The following AHCYL2 variants were observed in gnomAD, a reference collection of about 807,000 sequenced individuals.
AHCYL2 encodes the protein adenosylhomocysteinase like 2.
A neutral mutation model predicts 81.4 loss-of-function variants in AHCYL2; 28 were observed. The ratio of observed to expected loss-of-function variants is 0.34; its 90% confidence interval spans 0.25 to 0.47. AHCYL2 has a LOEUF of 0.47. Among genes scored for constraint, AHCYL2 ranks in the 20% least tolerant of loss-of-function variants. The pLI, the probability that AHCYL2 is intolerant of heterozygous loss-of-function variation, is 1.00. For missense variants in AHCYL2, 551 were observed against 785.1 expected (o/e 0.70, Z 3.56); for synonymous variants, 272 against 290.2 (o/e 0.94, Z 0.64).
intron 1 of AHCYL2, among the ~76,000 whole-genome samples, chr7:129,359,780 G>T (rs1011827830): frequency 1.3e-5 from 2 of 152,138 alleles, no homozygotes; most frequent in Non-Finnish European, 2.9e-5. Flanking sequence ...TAATTAGCCG[G>T]GTCAGGGAAA....
rs1797398747 is a variant in AHCYL2, at chr7:129,427,097, C to G, written c.*52C>G. 6.5e-7 allele frequency: 1 copy of G among 1,549,534 alleles called. No individual in the cohort carries two copies. ...TAAGGAATAGAACTCCAAGCCTTTT[C>G]TCCACTACTATACAAGAAAGAATTC... On this transcript the variant is annotated 3_prime_UTR_variant, in exon 17 of 17. Coordinates refer to ENST00000325006, the MANE Select transcript of AHCYL2 (RefSeq NM_015328.4). This position sits in a 1 kb window ranked among gnomAD's most constrained non-coding sequence, Gnocchi z 5.5.
chr7:129,304,093 A>G (rs768751117), intron 1 of AHCYL2, among the ~76,000 whole-genome samples: 1 of 149,486 alleles, frequency 6.7e-6, no homozygotes, highest in Non-Finnish European at 1.5e-5. Flanking sequence ...ATAAACAAAC[A>G]AACTTCCCTC....
intron 1 of AHCYL2, among the ~76,000 whole-genome samples, chr7:129,335,331 C>T (rs1307146121): frequency 1.3e-5 from 2 of 150,082 alleles, no homozygotes; most frequent in African/African-American, 4.9e-5. Context: ...TATATGATCA[C>T]ATACCTGCAC....
At position 129,325,426 on chromosome 7, in the gene AHCYL2, G is replaced by GT. The variant is rs369540031; in HGVS notation, c.364-54206dup. Among the ~76,000 whole-genome samples, 993 of 152,150 alleles carry GT rather than the reference G, an allele frequency of 6.5e-3. 6 individuals carry two copies. Among genetic ancestry groups the GT allele is most frequent in the Non-Finnish European group, 9.6e-3 (651 of 68,002 alleles). ...TTTTTTCATTTGCACATAATGTGGG[G>GT]TTTTTTCCCCTCTCGATGCTTTTAA... is the stretch of plus-strand genomic sequence containing the variant. On this transcript the variant is annotated intron_variant, in intron 1 of 16. Transcript: ENST00000325006.
intron 2 of AHCYL2, among the ~76,000 whole-genome samples, chr7:129,387,833 C>T (rs1157782603): frequency 6.6e-6 from 1 of 152,144 alleles, no homozygotes; most frequent in African/African-American, 2.4e-5. Context: ...CCCTCACCTC[C>T]CCTGGTGCCC....
chr7:129,330,756 C>T (rs1051101468), intron 1 of AHCYL2, among the ~76,000 whole-genome samples: 18 of 152,172 alleles, frequency 1.2e-4, no homozygotes, highest in African/African-American at 1.7e-4. Flanking sequence ...CCACCACGCC[C>T]GGCCTCTGGT....
intron 1 of AHCYL2, among the ~76,000 whole-genome samples, chr7:129,280,946 C>G (rs925290239): frequency 9.6e-4 from 17 of 17,688 alleles, no homozygotes; most frequent in Non-Finnish European, 7.8e-3. Context: ...CTCACTGCAA[C>G]CTCTGCCTCC....
chr7:129,233,530 C>G (rs980318815), intron 1 of AHCYL2, among the ~76,000 whole-genome samples: 12 of 152,134 alleles, frequency 7.9e-5, no homozygotes, highest in African/African-American at 2.9e-4. Flanking sequence ...GCTCTGTCCC[C>G]AGGCTGGAGT....
intron 1 of AHCYL2, among the ~76,000 whole-genome samples, chr7:129,286,447 T>TTTTG (rs904496344): frequency 1.3e-5 from 2 of 151,034 alleles, no homozygotes; most frequent in African/African-American, 2.4e-5. Context: ...GAGTTAGTTT[T>TTTTG]TTTGTTTGTT....
chr7:129,366,347 A>G (rs1004896493), intron 1 of AHCYL2, among the ~76,000 whole-genome samples: 6 of 152,186 alleles, frequency 3.9e-5, no homozygotes, highest in Non-Finnish European at 5.9e-5. Flanking sequence ...GGCATCTTAC[A>G]GTACCTCTTC....
At chr7:129,297,915 G>A (rs1277038913) in intron 1 of AHCYL2, among the ~76,000 whole-genome samples, 1 of 152,174 alleles carries the variant, frequency 6.6e-6, no homozygotes, top group Non-Finnish European at 1.5e-5. Flanking sequence ...AATAGTGTCA[G>A]CTACTCAGGA....
chr7:129,398,708 A>G (rs1253886245), intron 5 of AHCYL2, among the ~76,000 whole-genome samples: 5 of 151,782 alleles, frequency 3.3e-5, no homozygotes, highest in Admixed American at 2.0e-4. Context: ...ACAAATGCTT[A>G]CTGACCTACG....
chr7:129,258,900 C>T (rs1160394477), intron 1 of AHCYL2, among the ~76,000 whole-genome samples: 2 of 152,120 alleles, frequency 1.3e-5, no homozygotes, highest in Non-Finnish European at 2.9e-5. Context: ...AAGTTGAGAG[C>T]GTGAGCACTT....
intron 1 of AHCYL2, among the ~76,000 whole-genome samples, chr7:129,253,656 G>C (rs1471533412): frequency 6.6e-6 from 1 of 152,098 alleles, no homozygotes; most frequent in Non-Finnish European, 1.5e-5. Context: ...CTGTTGCCCT[G>C]GTTGGGGTGC....
At chr7:129,343,381 G>A (rs749905897) in intron 1 of AHCYL2, among the ~76,000 whole-genome samples, 19 of 152,100 alleles carry the variant, frequency 1.2e-4, no homozygotes, top group Non-Finnish European at 2.4e-4. Context: ...GAATTAAATT[G>A]TCATGCTGAT....
At chr7:129,236,951 A>G (rs539952748) in intron 1 of AHCYL2, among the ~76,000 whole-genome samples, 33 of 152,240 alleles carry the variant, frequency 2.2e-4, no homozygotes, top group African/African-American at 7.2e-4. Context: ...AACAAAACGG[A>G]TAAAATCTCT....
chr7:129,370,501 A>T (rs928726164), intron 1 of AHCYL2, among the ~76,000 whole-genome samples: 34 of 152,172 alleles, frequency 2.2e-4, no homozygotes, highest in Admixed American at 7.2e-4. Context: ...GATCAAGATC[A>T]TCCTGGCTAA....
chr7:129,287,177 C>CA (rs1796663913), intron 1 of AHCYL2, among the ~76,000 whole-genome samples: 2 of 152,114 alleles, frequency 1.3e-5, no homozygotes, highest in African/African-American at 4.8e-5. Context: ...TGGAAAACTC[C>CA]ACTGTACACT....
intron 1 of AHCYL2, among the ~76,000 whole-genome samples, chr7:129,345,883 G>T (rs188536939): frequency 5.9e-5 from 9 of 151,964 alleles, no homozygotes; most frequent in Non-Finnish European, 8.8e-5. Flanking sequence ...GAGCAGGTTT[G>T]GGGGGGTAAG....
Sources: gnomAD v4.1 joint callset for allele counts (sites outside exome capture counted in the v4.1 genomes callset) on GRCh38, gnomAD v4.1.1 for gene constraint, Gnocchi (gnomAD v3.1) non-coding constraint, MANE v1.5 for transcripts, NCBI Gene and HGNC (gene_info 2026-07-23, HGNC 2026-07-21) for gene names.